The following PHTF1 variants were observed in gnomAD, a reference collection of about 807,000 sequenced individuals.
The protein encoded by PHTF1 is putative homeodomain transcription factor 1.
PHTF1 carries 88 observed loss-of-function variants against 102.4 expected under a neutral mutation model. That is an observed-to-expected ratio of 0.86 (90% CI 0.72 to 1.03). The LOEUF (loss-of-function observed/expected upper bound fraction) is 1.03. PHTF1 is among the 50% of genes least tolerant of loss of function. The pLI is 0.00. For missense variants in PHTF1, 814 were observed against 909.5 expected (o/e 0.89, Z 1.35); for synonymous variants, 289 against 305.2 (o/e 0.95, Z 0.55).
intron 7 of PHTF1, among the ~76,000 whole-genome samples, chr1:113,717,187 C>G (rs983113048): frequency 6.6e-6 from 1 of 151,598 alleles, no homozygotes; most frequent in Non-Finnish European, 1.5e-5. Flanking sequence ...TATTTGCAAG[C>G]CTCAATGTAA....
intron 11 of PHTF1, 64 bp downstream of exon 11, chr1:113,710,190 A>G (rs1180313706): frequency 3.2e-5 from 37 of 1,156,718 alleles, no homozygotes; most frequent in Non-Finnish European, 3.9e-6. Flanking sequence ...ATGAGATGAC[A>G]GAGTGCCTGA....
In PHTF1 at chr1:113,757,813, A is replaced by G. The variant is rs937256440; in HGVS notation, c.46-58T>C. On this transcript the variant is annotated intron_variant, in intron 2 of 18. Transcript: ENST00000369604. ...TGCAAAGGAAATCCTTACATTATTA[A>G]GTCAAGCCTCATAAAAGTCATGAGC... 9.1e-6 allele frequency: 10 copies of G among 1,092,974 alleles called. No homozygotes were observed. In the African/African-American group the frequency reaches 1.4e-4, roughly 15 times the overall value. The allele number at this position is 1,092,974 out of a possible 1,614,324, so 67.7% of individuals were successfully genotyped here.
At chr1:113,735,158 G>A (rs1422244758) in intron 5 of PHTF1, among the ~76,000 whole-genome samples, 1 of 151,860 alleles carries the variant, frequency 6.6e-6, no homozygotes, top group East Asian at 1.9e-4. Flanking sequence ...CTGGGGTCAG[G>A]AGTTCAAGAC....
At chr1:113,742,607 G>A (rs1053200836) in intron 3 of PHTF1, among the ~76,000 whole-genome samples, 2 of 151,858 alleles carry the variant, frequency 1.3e-5, no homozygotes, top group African/African-American at 2.4e-5. Flanking sequence ...GGCGACAAGA[G>A]TGAAACTCTG....
intron 5 of PHTF1, among the ~76,000 whole-genome samples, chr1:113,736,240 G>A (rs1345612748): frequency 6.6e-6 from 1 of 151,496 alleles, no homozygotes; most frequent in Non-Finnish European, 1.5e-5. Flanking sequence ...TACTCGGGAG[G>A]CTGAGGCAAG....
chr1:113,738,218 G>A lies in PHTF1; in HGVS notation c.223C>T (p.Arg75Trp), dbSNP rs772460648. Reference protein sequence around the residue: ...KPEIPWTSLTRKGLVRVVFFP... With the variant: ...KPEIPWTSLTWKGLVRVVFFP... ...AATACAACTCGAACAAGCCCCTTCC[G>A]AGTCAGAGATGTCCATGGAATTTCA... Residue 75 changes from arginine (R) to tryptophan (W), a missense_variant, in exon 5 of 19, where the codon CGG becomes TGG. Coordinates refer to ENST00000369604, the MANE Select transcript of PHTF1 (RefSeq NM_001323043.2). The A allele has an allele frequency of 8.7e-6, 14 of 1,613,744 alleles. No individual in the cohort carries two copies. Among genetic ancestry groups the A allele is most frequent in the South Asian group, 7.7e-5 (7 of 91,064 alleles).
intron 11 of PHTF1, among the ~76,000 whole-genome samples, chr1:113,709,125 A>G (rs929390451): frequency 6.6e-6 from 1 of 152,060 alleles, no homozygotes; most frequent in African/African-American, 2.4e-5. Context: ...CATGGTGGCT[A>G]ATCAGGAGGC....
intron 3 of PHTF1, among the ~76,000 whole-genome samples, chr1:113,745,640 C>A (rs1312318905): frequency 2.6e-5 from 4 of 152,148 alleles, no homozygotes; most frequent in Admixed American, 6.5e-5. Context: ...ACCACCTCAG[C>A]CCTACCTCCT....
At chr1:113,737,950 G>A (rs1449848857) in intron 5 of PHTF1, among the ~76,000 whole-genome samples, 160 bp downstream of exon 5, 1 of 152,222 alleles carries the variant, frequency 6.6e-6, no homozygotes, top group Non-Finnish European at 1.5e-5. Context: ...TCTCATAGCA[G>A]ATAATTTTAA....
At chr1:113,706,561 T>G (rs1159732188) in intron 12 of PHTF1, 33 bp downstream of exon 12, 1 of 1,550,554 alleles carries the variant, frequency 6.4e-7, no homozygotes, top group Non-Finnish European at 8.7e-7. Context: ...TTCGTATATT[T>G]TTTGAAAAAT....
At chr1:113,748,551 T>C (rs542157651) in intron 3 of PHTF1, among the ~76,000 whole-genome samples, 1 of 152,316 alleles carries the variant, frequency 6.6e-6, no homozygotes, top group Non-Finnish European at 1.5e-5. Context: ...GTGTTTATTT[T>C]TGAGACAGGG....
intron 3 of PHTF1, among the ~76,000 whole-genome samples, chr1:113,750,178 G>A (rs1657839446): frequency 6.6e-6 from 1 of 151,860 alleles, no homozygotes; most frequent in South Asian, 2.1e-4. Flanking sequence ...TTATCTTTTT[G>A]TAGAGCTATG....
At position 113,758,651 on chromosome 1, in the gene PHTF1, T is replaced by C; in HGVS notation, c.45+8A>G. 1.3e-6 allele frequency: 2 copies of C among 1,520,634 alleles called. No individual in the cohort carries two copies. Among genetic ancestry groups the C allele is most frequent in the East Asian group, 4.6e-5 (2 of 43,280 alleles). 94.2% of individuals were successfully genotyped at this position (1,520,634 alleles called of 1,614,324 possible). A position where few individuals can be genotyped will look rare whatever the true frequency, so the allele number is the denominator to read the frequency against. ...TTTACAAATAAAAAAAATATATATA[T>C]GTATTACCTTCTTTTGGTACCACGA... On this transcript the variant is annotated splice_region_variant and intron_variant, in intron 2 of 18. Coordinates refer to ENST00000369604, the MANE Select transcript of PHTF1 (RefSeq NM_001323043.2).
chr1:113,738,325 C>T (rs1655839792), intron 4 of PHTF1, 57 bp from the exon 5 acceptor site: 3 of 1,283,084 alleles, frequency 2.3e-6, no homozygotes, highest in Admixed American at 4.2e-5. Context: ...TATTGAAGGC[C>T]ACCTGTAGCA....
chr1:113,730,302 T>A (rs1425173054), intron 5 of PHTF1, among the ~76,000 whole-genome samples: 1 of 152,176 alleles, frequency 6.6e-6, no homozygotes, highest in African/African-American at 2.4e-5. Context: ...TTGTAATTCA[T>A]CTCAAATGCC....
At chr1:113,724,942 T>A in intron 6 of PHTF1, 49 bp from the exon 7 acceptor site, 1 of 1,389,220 alleles carries the variant, frequency 7.2e-7, no homozygotes, top group Non-Finnish European at 9.9e-7. Flanking sequence ...ACCCTTTCTA[T>A]TTCTGCCAAA....
At chr1:113,754,577 C>T (rs1658570415) in intron 3 of PHTF1, among the ~76,000 whole-genome samples, 1 of 152,056 alleles carries the variant, frequency 6.6e-6, no homozygotes, top group Non-Finnish European at 1.5e-5. Context: ...TGGTTGATTA[C>T]ATTTTCTTTC....
At chr1:113,736,517 G>A (rs1367113222) in intron 5 of PHTF1, among the ~76,000 whole-genome samples, 2 of 151,864 alleles carry the variant, frequency 1.3e-5, no homozygotes, top group African/African-American at 4.8e-5. Context: ...GGCTGAGGCG[G>A]GTGGATCACC....
intron 3 of PHTF1, among the ~76,000 whole-genome samples, chr1:113,743,326 C>T (rs536019727): frequency 6.6e-6 from 1 of 151,948 alleles, no homozygotes; most frequent in Non-Finnish European, 1.5e-5. Context: ...ATATCATTGT[C>T]TCCCACCTCC....
Sources: allele counts gnomAD v4.1 joint callset (sites outside exome capture counted in the v4.1 genomes callset), GRCh38; gene constraint gnomAD v4.1.1; transcripts MANE v1.5; gene names NCBI Gene and HGNC (gene_info 2026-07-23, HGNC 2026-07-21).